Variants in SPART observed in about 807,000 individuals in gnomAD.
SPART encodes spastic paraplegia 20 (Troyer syndrome).
Under a neutral mutation model 58.7 loss-of-function variants are expected in SPART, and 35 were observed. The ratio of observed to expected loss-of-function variants is 0.60; its 90% CI spans 0.46 to 0.79. The LOEUF (loss-of-function observed/expected upper bound fraction) is 0.79. SPART is among the 30% of genes least tolerant of loss of function. The probability of loss-of-function intolerance (pLI) is 0.00; values close to 1 mark genes in which losing one functional copy is unlikely to be tolerated. For synonymous variants in SPART, 284 were observed against 280.7 expected (o/e 1.01, Z -0.12); for missense variants, 730 against 786.1 (o/e 0.93, Z 0.85).
chr13:36,360,800 A>G (rs1423109186), intron 1 of SPART: 1 of 152,576 alleles, frequency 6.6e-6, no homozygotes, highest in African/African-American at 2.4e-5. Context: ...TCACATCAAT[A>G]TTTATATTGC....
intron 5 of SPART, among the ~76,000 whole-genome samples, chr13:36,321,851 C>T (rs1247424250): frequency 1.3e-5 from 2 of 152,276 alleles, no homozygotes; most frequent in Admixed American, 1.3e-4. Context: ...ATATGCCCTG[C>T]CCCACCTTAA....
intron 5 of SPART, among the ~76,000 whole-genome samples, chr13:36,316,915 G>A (rs574055003): frequency 1.2e-4 from 18 of 152,176 alleles, no homozygotes; most frequent in African/African-American, 2.9e-4. Flanking sequence ...TTTCAAATCC[G>A]GTAAGCGGCC....
chr13:36,352,077 C>G (rs1199773519), intron 1 of SPART, among the ~76,000 whole-genome samples: 1 of 152,126 alleles, frequency 6.6e-6, no homozygotes, highest in African/African-American at 2.4e-5. Flanking sequence ...CTTGTGAGTA[C>G]ATTATGTTGA....
At chr13:36,318,963 G>C (rs565198638) in intron 5 of SPART, among the ~76,000 whole-genome samples, 2 of 152,248 alleles carry the variant, frequency 1.3e-5, no homozygotes, top group South Asian at 4.2e-4. Context: ...CATCACGGAC[G>C]CTGAGCTTCA....
chr13:36,335,982 G>A, intron 1 of SPART, 150 bp from the exon 2 acceptor site: 1 of 668,418 alleles, frequency 1.5e-6, no homozygotes, highest in South Asian at 1.8e-5. Flanking sequence ...CTACTATTAG[G>A]TCTGTCATAA....
intron 1 of SPART, among the ~76,000 whole-genome samples, chr13:36,361,123 T>C (rs1036534011): frequency 1.3e-5 from 2 of 152,190 alleles, no homozygotes; most frequent in African/African-American, 2.4e-5. Flanking sequence ...TGTAACTGTT[T>C]CCAGGTGGAA....
intron 1 of SPART, among the ~76,000 whole-genome samples, chr13:36,362,911 GT>G (rs1885919169): frequency 6.6e-6 from 1 of 152,004 alleles, no homozygotes; most frequent in African/African-American, 2.4e-5. Context: ...ATTGTCCTCT[GT>G]ATTAACTAAT....
rs1263386305 is a variant in SPART, at chr13:36,302,192, TAA to T, written c.*2171_*2172del. Reference sequence around the variant, plus strand: ...CATGTCTTTAGGTGTGATGAGTTTTTAAGTGTTGTTATTCATCATACCTTACA... The same window carrying T: ...CATGTCTTTAGGTGTGATGAGTTTTTGTGTTGTTATTCATCATACCTTACA... On this transcript the variant is annotated 3_prime_UTR_variant, in exon 9 of 9. Transcript: ENST00000438666. 3.3e-5 allele frequency: 5 copies of T among 152,096 alleles called. No homozygotes were observed. The East Asian group carries it at 7.7e-4, about 23-fold the overall frequency. 9.4% of individuals were successfully genotyped at this position (152,096 alleles called of 1,614,324 possible).
chr13:36,352,398 A>G (rs1037473369), intron 1 of SPART, among the ~76,000 whole-genome samples: 3 of 152,182 alleles, frequency 2.0e-5, no homozygotes, highest in Admixed American at 6.5e-5. Flanking sequence ...TGGGTTGGCT[A>G]TCTTATTTTC....
intron 1 of SPART, among the ~76,000 whole-genome samples, chr13:36,339,973 CAGG>C (rs1884418991): frequency 1.3e-5 from 2 of 152,120 alleles, no homozygotes; most frequent in East Asian, 3.9e-4. Flanking sequence ...GGAAGTGAGG[CAGG>C]AGAATCACTT....
intron 1 of SPART, among the ~76,000 whole-genome samples, chr13:36,342,098 G>C (rs563904029): frequency 2.0e-5 from 3 of 152,298 alleles, no homozygotes; most frequent in South Asian, 4.1e-4. Flanking sequence ...ACAGGGTCTT[G>C]AACAACACTG....
intron 1 of SPART, among the ~76,000 whole-genome samples, chr13:36,355,912 G>C (rs553004684): frequency 6.6e-6 from 1 of 152,264 alleles, no homozygotes; most frequent in South Asian, 2.1e-4. Context: ...CAGACTTTAA[G>C]TCTGATAATA....
intron 1 of SPART, among the ~76,000 whole-genome samples, chr13:36,337,652 T>C (rs919783576): frequency 2.6e-4 from 40 of 152,214 alleles, no homozygotes; most frequent in African/African-American, 2.2e-4. Context: ...CTTTTCTTTA[T>C]AAAGTACCCA....
upstream of SPART, among the ~76,000 whole-genome samples, chr13:36,349,903 C>T (rs1424308261): frequency 1.3e-5 from 2 of 152,222 alleles, no homozygotes; most frequent in South Asian, 4.1e-4. Context: ...CTGTAGTATT[C>T]GTCAGCTTTT....
intron 1 of SPART, among the ~76,000 whole-genome samples, chr13:36,363,401 TTCTC>T (rs370077341): frequency 3.3e-5 from 5 of 150,168 alleles, no homozygotes; most frequent in Admixed American, 1.3e-4. Context: ...CTCTCTTTCT[TTCTC>T]TCTCTCTCTC....
At chr13:36,316,142 C>A (rs1295602380) in intron 5 of SPART, among the ~76,000 whole-genome samples, 3 of 152,226 alleles carry the variant, frequency 2.0e-5, no homozygotes, top group African/African-American at 7.2e-5. Context: ...ATATGGCAGA[C>A]CATGAACGTT....
chr13:36,348,383 A>T (rs931841041), upstream of SPART, among the ~76,000 whole-genome samples: 7 of 152,226 alleles, frequency 4.6e-5, no homozygotes, highest in Non-Finnish European at 1.0e-4. Context: ...GAATTTTTTA[A>T]ATTTCCAACA....
chr13:36,367,059 A>T (rs1315920469), intron 1 of SPART, among the ~76,000 whole-genome samples: 1 of 152,126 alleles, frequency 6.6e-6, no homozygotes, highest in African/African-American at 2.4e-5. Context: ...GCCGCCCAAA[A>T]TCCCCTAACA....
In SPART at chr13:36,302,861, A is replaced by G. The variant is rs543914953; in HGVS notation, c.*1504T>C. On this transcript the variant is annotated 3_prime_UTR_variant, in exon 9 of 9. Transcript: ENST00000438666. Reference sequence around the variant, plus strand: ...ACTATATTTTCGTACCCATTAATCAACCTCACTTCCCTCCCCATCCCTTCA... The same window carrying G: ...ACTATATTTTCGTACCCATTAATCAGCCTCACTTCCCTCCCCATCCCTTCA... 3 of 152,180 alleles carry G rather than the reference A, an allele frequency of 2.0e-5. No individual in the cohort carries two copies. Among genetic ancestry groups the G allele is most frequent in the South Asian group, 2.1e-4 (1 of 4,818 alleles). The allele number at this position is 152,180 out of a possible 1,614,324, so 9.4% of individuals were successfully genotyped here.
Sources: gnomAD v4.1 joint callset for allele counts (sites outside exome capture counted in the v4.1 genomes callset) on GRCh38, gnomAD v4.1.1 for gene constraint, MANE v1.5 for transcripts, NCBI Gene and HGNC (gene_info 2026-07-23, HGNC 2026-07-21) for gene names.